C2orf78: variants seen among roughly 807,000 people sequenced by gnomAD.
C2orf78 encodes the protein chromosome 2 open reading frame 78.
A neutral mutation model predicts 21.4 loss-of-function variants in C2orf78; 12 were observed. The ratio of observed to expected loss-of-function variants is 0.56; its 90% CI spans 0.36 to 0.91. C2orf78 has a LOEUF of 0.91. Ranked by LOEUF, C2orf78 falls within the 40% of genes least tolerant of loss-of-function variation. C2orf78 has a pLI of 0.01. For missense variants in C2orf78, 1,042 were observed against 1,092.4 expected, an observed-to-expected ratio of 0.95 and a Z score of 0.65; for synonymous variants, 396 against 413.9, an observed-to-expected ratio of 0.96 and a Z score of 0.52.
At chr2:73,786,198 G>T (rs1316649146) in intron 1 of C2orf78, among the ~76,000 whole-genome samples, 1 of 151,850 alleles carries the variant, frequency 6.6e-6, no homozygotes, top group Non-Finnish European at 1.5e-5. Context: ...TAGGCAACAT[G>T]GTGAAACCCC....
chr2:73,786,164 G>C (rs1387301981), intron 1 of C2orf78, among the ~76,000 whole-genome samples: 3 of 151,998 alleles, frequency 2.0e-5, no homozygotes, highest in Non-Finnish European at 2.9e-5. Flanking sequence ...CGGATTGCCT[G>C]AGGTCAGAAG....
exon 3 of C2orf78, chr2:73,816,694 A>T (rs954271957): frequency 6.2e-7 from 1 of 1,613,886 alleles, no homozygotes; most frequent in African/African-American, 1.3e-5. Context: ...TCTTCTCTGC[A>T]GCGGGAGCCT....
intron 1 of C2orf78, among the ~76,000 whole-genome samples, chr2:73,786,070 G>C (rs1006263517): frequency 2.7e-4 from 41 of 151,682 alleles, no homozygotes; most frequent in African/African-American, 9.5e-4. Context: ...AAGAAAGAGA[G>C]AAATATGTTT....
At chr2:73,810,896 CATGTATATTATATATAATAT>C (rs1161414609) in intron 1 of C2orf78, among the ~76,000 whole-genome samples, 26 of 134,414 alleles carry the variant, frequency 1.9e-4, no homozygotes, top group Admixed American at 3.2e-4. Context: ...GTGTATATTA[CATGTATATTATATATAATAT>C]ATGTATATTA....
intron 1 of C2orf78, among the ~76,000 whole-genome samples, chr2:73,813,089 A>G (rs560549479): frequency 2.0e-5 from 3 of 152,330 alleles, no homozygotes; most frequent in African/African-American, 4.8e-5. Context: ...TCAGACTCAT[A>G]AAATGAAATG....
intron 1 of C2orf78, among the ~76,000 whole-genome samples, chr2:73,810,656 CTATAATATA>C (rs1303948618): frequency 0.015 from 1,751 of 117,690 alleles, 54 homozygotes; most frequent in African/African-American, 0.056. Flanking sequence ...ATGTATATAT[CTATAATATA>C]TATAATATAA....
chr2:73,811,341 G>C (rs959948435), intron 1 of C2orf78, among the ~76,000 whole-genome samples: 1 of 151,962 alleles, frequency 6.6e-6, no homozygotes, highest in Admixed American at 6.6e-5. Context: ...ACTAATAAGT[G>C]GTTACCTAGA....
Position 73,807,925 on chromosome 2 carries a change from A to T in C2orf78, c.98-5552A>T, listed in dbSNP as rs1353506880. Among the ~76,000 whole-genome samples, 11 of 150,910 alleles carry T rather than the reference A, an allele frequency of 7.3e-5. 1 individual carries two copies. Among genetic ancestry groups the T allele is most frequent in the Non-Finnish European group, 5.9e-5 (4 of 67,962 alleles). On this transcript the variant is annotated intron_variant, in intron 1 of 2. Transcript: ENST00000409561. The stretch of plus-strand genomic sequence containing the variant: ...CAACAAACTTTGCTGTTCAAGTTAC[A>T]AAAGAGGGTTCTTTAATCTCTTCCT...
chr2:73,816,678 T>C, exon 3 of C2orf78: 2 of 1,613,958 alleles, frequency 1.2e-6, no homozygotes, highest in African/African-American at 1.3e-5. Context: ...CAAAACATCA[T>C]CTTGTTCTTC....
At position 73,808,438 on chromosome 2, in the gene C2orf78, T is replaced by C. The variant is rs1673004489; in HGVS notation, c.98-5039T>C. 3.3e-5 allele frequency among the ~76,000 whole-genome samples: 5 copies of C among 151,174 alleles called. 1 individual carries two copies. Among genetic ancestry groups the C allele is most frequent in the African/African-American group, 1.2e-4 (5 of 40,480 alleles). ...ATAATATGAAATGTAACACATTAAA[T>C]ATAAATGTTAATTATATTAGTGAAC... On this transcript the variant is annotated intron_variant, in intron 1 of 2. Coordinates refer to ENST00000409561, the Ensembl canonical transcript of C2orf78.
chr2:73,808,687 C>T, intron 1 of C2orf78: 1 of 1,487,124 alleles, frequency 6.7e-7, no homozygotes, highest in Non-Finnish European at 9.0e-7. Context: ...CATTCTCCCA[C>T]CAAACCAACT....
chr2:73,816,948 G>A (rs962816078), exon 3 of C2orf78: 1 of 1,611,314 alleles, frequency 6.2e-7, no homozygotes, highest in Admixed American at 1.7e-5. Context: ...CATTGAAAGG[G>A]AAAGAGATAT....
At chr2:73,812,250 G>A (rs1424423226) in intron 1 of C2orf78, among the ~76,000 whole-genome samples, 1 of 152,050 alleles carries the variant, frequency 6.6e-6, no homozygotes, top group Non-Finnish European at 1.5e-5. Context: ...AACAGCTTTA[G>A]TTAGTACTTT....
Position 73,813,469 on chromosome 2 carries a change from T to C in C2orf78, c.98-8T>C, listed in dbSNP as rs971612457. 1.9e-6 allele frequency: 3 copies of C among 1,578,470 alleles called. No homozygotes were observed. The African/African-American group carries it at 4.1e-5, about 21-fold the overall frequency. On this transcript the variant is annotated splice_region_variant and splice_polypyrimidine_tract_variant and intron_variant, in intron 1 of 2. Transcript: ENST00000409561. Reference sequence around the variant, plus strand: ...TCGGTTTTTTCATCTCTCTCTTGTTTCCTACAGAATATTTCCAAAATACGT... The same window carrying C: ...TCGGTTTTTTCATCTCTCTCTTGTTCCCTACAGAATATTTCCAAAATACGT...
chr2:73,816,668 C>T (rs1673208167), exon 3 of C2orf78: 1 of 1,613,918 alleles, frequency 6.2e-7, no homozygotes, highest in Admixed American at 1.7e-5. Flanking sequence ...CATCAGCCTA[C>T]AAAACATCAT....
At chr2:73,808,745 G>T in intron 1 of C2orf78, 1 of 1,518,498 alleles carries the variant, frequency 6.6e-7, no homozygotes, top group East Asian at 2.5e-5. Flanking sequence ...CTGTAAATTT[G>T]TATCATCACA....
intron 1 of C2orf78, among the ~76,000 whole-genome samples, chr2:73,811,887 G>A (rs1354735154): frequency 6.6e-6 from 1 of 151,698 alleles, no homozygotes; most frequent in Non-Finnish European, 1.5e-5. Flanking sequence ...TCATTTGCTG[G>A]GTAATATTCA....
intron 1 of C2orf78, among the ~76,000 whole-genome samples, chr2:73,810,181 G>A (rs1401374166): frequency 4.0e-5 from 6 of 151,872 alleles, no homozygotes; most frequent in Admixed American, 6.6e-5. Flanking sequence ...TTTTTTTTCT[G>A]TTGCCTTTTT....
In C2orf78 at chr2:73,813,391, A is replaced by G; in HGVS notation, c.98-86A>G. 4.4e-6 allele frequency: 6 copies of G among 1,357,002 alleles called. No homozygotes were observed. The Admixed American group carries it at 1.7e-4, about 38-fold the overall frequency. The allele number at this position is 1,357,002 out of a possible 1,614,324, so 84.1% of individuals were successfully genotyped here. ...TGGTATTAGAGGCTTCCTGATTGCA[A>G]CAACCTTAAGATAATGCTAGTCTTC... On this transcript the variant is annotated intron_variant, in intron 1 of 2. Transcript: ENST00000409561.
Sources: allele counts gnomAD v4.1 joint callset (sites outside exome capture counted in the v4.1 genomes callset), GRCh38; gene constraint gnomAD v4.1.1; transcripts MANE v1.5; gene names NCBI Gene and HGNC (gene_info 2026-07-23, HGNC 2026-07-21).